AMN1: variants seen among roughly 807,000 people sequenced by gnomAD.
AMN1 encodes the protein protein AMN1 homolog.
AMN1 carries 20 observed loss-of-function variants against 33.0 expected under a neutral mutation model. The ratio of observed to expected loss-of-function variants is 0.61; its 90% CI spans 0.43 to 0.88. The LOEUF (loss-of-function observed/expected upper bound fraction) is 0.88, where lower values mean the gene tolerates loss of function less well. AMN1 is among the 40% of genes least tolerant of loss of function. The pLI is 0.00. For synonymous variants in AMN1, 114 were observed against 111.9 expected (o/e 1.02, Z -0.12); for missense variants, 246 against 307.4 (o/e 0.80, Z 1.49).
intron 3 of AMN1, among the ~76,000 whole-genome samples, chr12:31,698,574 A>T (rs955238371): frequency 1.3e-5 from 2 of 152,174 alleles, no homozygotes; most frequent in Non-Finnish European, 2.9e-5. Context: ...CCCATTGGAG[A>T]TGGGTGCACA....
At chr12:31,678,070 A>G (rs114271780) in intron 6 of AMN1, among the ~76,000 whole-genome samples, 1,717 of 152,216 alleles carry the variant, frequency 0.011, 30 homozygotes, top group African/African-American at 0.039. Context: ...ACATCTCTAC[A>G]TGGCTGTCCA....
At position 31,700,242 on chromosome 12, in the gene AMN1, G is replaced by A. The variant is rs149939156; in HGVS notation, c.316+1621C>T. Among the ~76,000 whole-genome samples the A allele has an allele frequency of 8.7e-3, 1,322 of 151,956 alleles. 55 individuals carry two copies. The highest frequency in any genetic ancestry group is 0.074 in the Admixed American group (1,129 of 15,216). Reference sequence around the variant, plus strand: ...GCAGTGGGTGGTGGTGCACATCTGCGGTCCCAGCTACTTGGGAGGCTGAGG... The same window carrying A: ...GCAGTGGGTGGTGGTGCACATCTGCAGTCCCAGCTACTTGGGAGGCTGAGG... On this transcript the variant is annotated intron_variant, in intron 3 of 6. Transcript: ENST00000281471.
chr12:31,672,731 T>G (rs957531111), intron 6 of AMN1: 5 of 188,972 alleles, frequency 2.6e-5, no homozygotes, highest in African/African-American at 1.2e-4. Context: ...CGGAAATAGA[T>G]GATTCACTAA....
chr12:31,728,992 C>T lies in AMN1; in HGVS notation c.17G>A (p.Arg6Gln). 1 of 1,545,672 alleles carries T rather than the reference C, an allele frequency of 6.5e-7. No homozygotes were observed. Among genetic ancestry groups the T allele is most frequent in the Non-Finnish European group, 8.7e-7 (1 of 1,142,988 alleles). The change falls in exon 1 of 7, where the codon CGG becomes CAG. Residue 6 changes from arginine to glutamine, a missense_variant. Arg to Gln is a conservative substitution (Grantham distance 43). Coordinates refer to ENST00000281471, the MANE Select transcript of AMN1 (RefSeq NM_001113402.2). MPRPR[R>Q]VSQLLDLCLW... ...TCACAGATCCAGGAGCTGACTGACC[C>T]GCCGTGGGCGAGGCATCGCTGCAGC... is the stretch of plus-strand genomic sequence containing the variant.
At chr12:31,706,169 G>C (rs965623357) in intron 2 of AMN1, among the ~76,000 whole-genome samples, 1 of 151,914 alleles carries the variant, frequency 6.6e-6, no homozygotes, top group African/African-American at 2.4e-5. Flanking sequence ...AAAATTAGCT[G>C]GGTGTGGTGG....
In AMN1 at chr12:31,672,316, C is replaced by T. The variant is rs1400275191; in HGVS notation, c.765G>A (p.Trp255Ter). 1.3e-6 allele frequency: 2 copies of T among 1,575,406 alleles called. No homozygotes were observed. The highest frequency in any genetic ancestry group is 1.7e-6 in the Non-Finnish European group (2 of 1,158,320). Reference protein sequence around the residue: ...VGPNKLKQVTWTVY With the variant: ...VGPNKLKQVT Reference sequence around the variant, plus strand: ...CTTCAAAAAAGCATCAATAAACAGTCCATGTCACTTGCTTTAGTTTGTTTG... The same window carrying T: ...CTTCAAAAAAGCATCAATAAACAGTTCATGTCACTTGCTTTAGTTTGTTTG... Residue 255 changes from tryptophan to a stop codon, truncating the protein, a stop_gained, in exon 7 of 7, where the codon TGG becomes TGA. Coordinates refer to ENST00000281471, the MANE Select transcript of AMN1 (RefSeq NM_001113402.2). LOFTEE classifies it high-confidence loss of function.
chr12:31,692,382 G>A (rs73090346), intron 5 of AMN1, among the ~76,000 whole-genome samples: 23,756 of 150,670 alleles, frequency 0.16, 2,096 homozygotes, highest in Admixed American at 0.23. Flanking sequence ...GCTTGAACCC[G>A]GGAGGTGGAG....
intron 1 of AMN1, among the ~76,000 whole-genome samples, chr12:31,717,191 T>C (rs1365768753): frequency 6.6e-6 from 1 of 152,180 alleles, no homozygotes; most frequent in Non-Finnish European, 1.5e-5. Flanking sequence ...ACTTATGACA[T>C]GCGGTGTTTG....
chr12:31,693,079 AT>A (rs1402854553), intron 5 of AMN1, among the ~76,000 whole-genome samples: 1 of 152,002 alleles, frequency 6.6e-6, no homozygotes, highest in African/African-American at 2.4e-5. Flanking sequence ...TAATTTTATA[AT>A]TTTTTTGAGA....
At chr12:31,708,252 C>A (rs1423878527) in intron 2 of AMN1, among the ~76,000 whole-genome samples, 2 of 152,086 alleles carry the variant, frequency 1.3e-5, no homozygotes, top group Non-Finnish European at 2.9e-5. Context: ...TATTAAGACC[C>A]TAGGGAAAGA....
intron 6 of AMN1, chr12:31,673,660 G>A: frequency 2.3e-6 from 1 of 429,600 alleles, no homozygotes; most frequent in Non-Finnish European, 4.6e-6. Flanking sequence ...GCCAGACAAA[G>A]ACATCACATG....
chr12:31,708,311 G>T (rs1288913174), intron 2 of AMN1, among the ~76,000 whole-genome samples: 2 of 152,106 alleles, frequency 1.3e-5, no homozygotes, highest in African/African-American at 4.8e-5. Context: ...GGGAGTGTCT[G>T]TCCTATGGGA....
At chr12:31,697,595 C>T in intron 4 of AMN1, 145 bp downstream of exon 4, 1 of 1,041,430 alleles carries the variant, frequency 9.6e-7, no homozygotes, top group Non-Finnish European at 1.4e-6. Context: ...CAATATATAT[C>T]TCAATTACTT....
chr12:31,680,393 G>T (rs902704528), intron 6 of AMN1, among the ~76,000 whole-genome samples: 2 of 151,976 alleles, frequency 1.3e-5, no homozygotes, highest in Non-Finnish European at 2.9e-5. Context: ...TAGAGACGGG[G>T]TTTCACCATG....
chr12:31,694,163 T>G (rs1278065915), intron 5 of AMN1, among the ~76,000 whole-genome samples: 1 of 148,692 alleles, frequency 6.7e-6, no homozygotes, highest in Non-Finnish European at 1.5e-5. Flanking sequence ...AAATTAGGGC[T>G]GGGTGCGGTG....
intron 1 of AMN1, among the ~76,000 whole-genome samples, chr12:31,712,656 T>A (rs1042191127): frequency 6.6e-6 from 1 of 152,128 alleles, no homozygotes; most frequent in South Asian, 2.1e-4. Context: ...TTCCATATTT[T>A]GGTTATTTTT....
intron 3 of AMN1, among the ~76,000 whole-genome samples, chr12:31,698,269 C>G (rs1938827238): frequency 6.6e-6 from 1 of 152,116 alleles, no homozygotes; most frequent in African/African-American, 2.4e-5. Flanking sequence ...AAATAGTAGG[C>G]GATTCTCCTT....
At chr12:31,673,571 A>G in intron 6 of AMN1, 2 of 395,992 alleles carry the variant, frequency 5.1e-6, no homozygotes, top group South Asian at 3.8e-5. Context: ...GGCAACCATG[A>G]CAAAGCTGGG....
intron 3 of AMN1, among the ~76,000 whole-genome samples, chr12:31,700,123 G>A (rs528742441): frequency 7.3e-5 from 11 of 150,176 alleles, no homozygotes; most frequent in African/African-American, 2.4e-4. Flanking sequence ...AGAATTCTAA[G>A]AGGCCAAAAA....
Sources: gnomAD v4.1 joint callset for allele counts (sites outside exome capture counted in the v4.1 genomes callset) on GRCh38, gnomAD v4.1.1 for gene constraint, MANE v1.5 for transcripts, NCBI Gene and HGNC (gene_info 2026-07-23, HGNC 2026-07-21) for gene names.